KTN1: variants seen among roughly 807,000 people sequenced by gnomAD.
KTN1 encodes kinectin.
Under a neutral mutation model 222.5 loss-of-function variants are expected in KTN1, and 130 were observed. The ratio of observed to expected loss-of-function variants is 0.58; its 90% CI spans 0.51 to 0.68. The LOEUF is 0.68. KTN1 is among the 30% of genes least tolerant of loss of function. The probability of loss-of-function intolerance (pLI) is 0.00; values close to 1 mark genes in which losing one functional copy is unlikely to be tolerated. For synonymous variants in KTN1, 512 were observed against 496.3 expected, an observed-to-expected ratio of 1.03 and a Z score of -0.42; for missense variants, 1,508 against 1,500.4, an observed-to-expected ratio of 1.01 and a Z score of -0.08.
At chr14:55,640,567 C>T in intron 15 of KTN1, 125 bp downstream of exon 15, 1 of 664,114 alleles carries the variant, frequency 1.5e-6, no homozygotes, top group Non-Finnish European at 2.6e-6. Context: ...TCATCTTTGG[C>T]TGCATGATTT....
At position 55,678,366 on chromosome 14, in the gene KTN1, G is replaced by C. The variant is rs559747206; in HGVS notation, c.3870G>C (p.Leu1290=). 1 of 1,606,078 alleles carries C rather than the reference G, an allele frequency of 6.2e-7. No individual in the cohort carries two copies. Among genetic ancestry groups the C allele is most frequent in the Admixed American group, 1.7e-5 (1 of 60,024 alleles). The change falls in exon 42 of 44, where the codon CTG becomes CTC. Residue 1290 remains leucine (L), a synonymous_variant. Transcript: ENST00000395314. ...AGDLHKAQQS[L]ELIQSKIVKA... is the part of the protein sequence containing the mutation. Reference sequence around the variant, plus strand: ...TTTCCTTATAGGCTCAACAGTCACTGGAGCTTATCCAGTCAAAAATAGTAA... The same window carrying C: ...TTTCCTTATAGGCTCAACAGTCACTCGAGCTTATCCAGTCAAAAATAGTAA...
Position 55,673,241 on chromosome 14 carries a change from G to A in KTN1, c.3757G>A (p.Glu1253Lys). ...DSYSEAVRQN[E>K]ELNLLKAQLN... ...ATATTCTGAAGCAGTAAGACAGAAT[G>A]AAGAGCTAAATTTGGTAAGAAGCTT... Residue 1253 changes from glutamate to lysine, a missense_variant, in exon 40 of 44, where the codon GAA becomes AAA. Transcript: ENST00000395314. 5 of 1,610,726 alleles carry A rather than the reference G, an allele frequency of 3.1e-6. No individual in the cohort carries two copies. The highest frequency in any genetic ancestry group is 4.2e-6 in the Non-Finnish European group (5 of 1,177,390).
chr14:55,595,919 C>T (rs1325036980), intron 1 of KTN1, among the ~76,000 whole-genome samples: 1 of 151,894 alleles, frequency 6.6e-6, no homozygotes, highest in Non-Finnish European at 1.5e-5. Context: ...CTTTGGGAGG[C>T]CGAGGTGGGC....
chr14:55,611,120 T>C (rs1227011009), intron 1 of KTN1, among the ~76,000 whole-genome samples: 1 of 152,164 alleles, frequency 6.6e-6, no homozygotes, highest in Non-Finnish European at 1.5e-5. Context: ...AGAGACTTGC[T>C]CTGTTGCCCA....
Position 55,679,639 on chromosome 14 carries a change from G to C in KTN1, c.4023G>C (p.Ala1341=). ...CACAGTTACAGCAGTTGCTTCAGGC[G>C]GTAAACCAACAGCTCACAAAGGAGA... is the stretch of plus-strand genomic sequence containing the variant. ...TVTQLQQLLQ[A]VNQQLTKEKE... The change falls in exon 43 of 44, where the codon GCG becomes GCC. Residue 1341 remains alanine (A), a synonymous_variant. Coordinates refer to ENST00000395314, the MANE Select transcript of KTN1 (RefSeq NM_001079521.2). 6.2e-7 allele frequency: 1 copy of C among 1,613,582 alleles called. No individual in the cohort carries two copies. Among genetic ancestry groups the C allele is most frequent in the East Asian group, 2.2e-5 (1 of 44,848 alleles).
At chr14:55,652,063 A>G (rs2042976022) in intron 25 of KTN1, 136 bp downstream of exon 25, 1 of 598,140 alleles carries the variant, frequency 1.7e-6, no homozygotes, top group Admixed American at 3.5e-5. Context: ...CAAAACTCCT[A>G]AGGGCCCTAA....
intron 32 of KTN1, among the ~76,000 whole-genome samples, chr14:55,662,108 T>A (rs1323482600): frequency 1.3e-5 from 2 of 150,892 alleles, no homozygotes; most frequent in Non-Finnish European, 3.0e-5. Context: ...TCTCGCTCTG[T>A]TGCCCAGGCT....
chr14:55,615,574 T>C (rs986306172), intron 2 of KTN1, among the ~76,000 whole-genome samples: 1 of 152,078 alleles, frequency 6.6e-6, no homozygotes, highest in South Asian at 2.1e-4. Flanking sequence ...TGCCAAAGAG[T>C]AGTCAAATAA....
chr14:55,657,453 A>G (rs906432676), intron 29 of KTN1, among the ~76,000 whole-genome samples: 1 of 150,950 alleles, frequency 6.6e-6, no homozygotes, highest in Non-Finnish European at 1.5e-5. Flanking sequence ...GGGAAATTAA[A>G]TAACCTTTTG....
chr14:55,676,593 A>G (rs192173205), intron 41 of KTN1, among the ~76,000 whole-genome samples: 1 of 152,328 alleles, frequency 6.6e-6, no homozygotes, highest in East Asian at 1.9e-4. Flanking sequence ...ATGGAATCCC[A>G]GAAACCCAAC....
intron 18 of KTN1, among the ~76,000 whole-genome samples, chr14:55,643,265 T>C (rs2041977236): frequency 6.6e-6 from 1 of 152,192 alleles, no homozygotes; most frequent in Non-Finnish European, 1.5e-5. Flanking sequence ...AAAGATATGA[T>C]ACCAATTATA....
At chr14:55,630,841 A>G (rs897568420) in intron 7 of KTN1, among the ~76,000 whole-genome samples, 8 of 152,320 alleles carry the variant, frequency 5.3e-5, no homozygotes, top group Middle Eastern at 3.4e-3. Flanking sequence ...TTCAAGTCAA[A>G]GAACAAGGGC....
intron 6 of KTN1, among the ~76,000 whole-genome samples, chr14:55,629,644 G>A (rs147469418): frequency 7.9e-5 from 12 of 152,132 alleles, no homozygotes; most frequent in East Asian, 3.9e-4. Context: ...ATGTTCTTTC[G>A]TGTAATCAAG....
intron 2 of KTN1, among the ~76,000 whole-genome samples, chr14:55,615,471 T>C (rs1248085198): frequency 6.6e-6 from 1 of 152,004 alleles, no homozygotes; most frequent in African/African-American, 2.4e-5. Flanking sequence ...AGTGAAATTA[T>C]ACGATATTTA....
chr14:55,590,824 C>T (rs1038727622), intron 1 of KTN1, among the ~76,000 whole-genome samples: 1 of 151,954 alleles, frequency 6.6e-6, no homozygotes, highest in African/African-American at 2.4e-5. Flanking sequence ...TACAGGCATG[C>T]ACCACCACGT....
At chr14:55,596,154 C>CAAAAAA (rs71448460) in intron 1 of KTN1, among the ~76,000 whole-genome samples, 692 of 60,970 alleles carry the variant, frequency 0.011, 18 homozygotes, top group Middle Eastern at 0.024. Context: ...GACTCAATAG[C>CAAAAAA]AAAAAAAAAA....
At chr14:55,583,004 A>G (rs1304530175) in intron 1 of KTN1, among the ~76,000 whole-genome samples, 2 of 152,218 alleles carry the variant, frequency 1.3e-5, no homozygotes, top group Admixed American at 1.3e-4. Context: ...TCCTGTGAAC[A>G]TGACTTTGTC....
At position 55,673,192 on chromosome 14, in the gene KTN1, A is replaced by G; in HGVS notation, c.3708A>G (p.Glu1236=). 6.2e-7 allele frequency: 1 copy of G among 1,613,058 alleles called. No homozygotes were observed. Residue 1236 remains glutamate, a synonymous_variant, in exon 40 of 44, where the codon GAA becomes GAG. Coordinates refer to ENST00000395314, the MANE Select transcript of KTN1 (RefSeq NM_001079521.2). The stretch of plus-strand genomic sequence containing the variant: ...TGCAGCTGAAAGATCTGTTGACTGA[A>G]TTGCAGAAAAAACTTGATGATTCAT... ...EVRELKDLLT[E]LQKKLDDSYS...
intron 43 of KTN1, chr14:55,683,347 T>TA (rs1217611756): frequency 2.0e-5 from 3 of 152,168 alleles, no homozygotes; most frequent in African/African-American, 7.2e-5. Flanking sequence ...CTTCATCTCT[T>TA]TCTATATGTC....
Sources: gnomAD v4.1 joint callset for allele counts (sites outside exome capture counted in the v4.1 genomes callset) on GRCh38, gnomAD v4.1.1 for gene constraint, MANE v1.5 for transcripts, NCBI Gene and HGNC (gene_info 2026-07-23, HGNC 2026-07-21) for gene names.